The following KRT80 variants were observed in gnomAD, a reference collection of about 807,000 sequenced individuals.
KRT80 encodes keratin, type II cytoskeletal 80.
In KRT80, 36 loss-of-function variants were observed where a neutral mutation model predicts 51.5. That is an observed-to-expected ratio of 0.70 (90% CI 0.54 to 0.92). KRT80 has a LOEUF of 0.92. KRT80 is among the 40% of genes least tolerant of loss of function. The pLI is 0.00. For missense variants in KRT80, 566 were observed against 591.7 expected, an observed-to-expected ratio of 0.96 and a Z score of 0.45; for synonymous variants, 235 against 248.3, an observed-to-expected ratio of 0.95 and a Z score of 0.50.
chr12:52,185,385 C>A lies in KRT80; in HGVS notation c.503G>T (p.Arg168Leu). The A allele has an allele frequency of 1.2e-6, 2 of 1,611,200 alleles. No homozygotes were observed. Among genetic ancestry groups the A allele is most frequent in the East Asian group, 2.2e-5 (1 of 44,852 alleles). Residue 168 changes from arginine to leucine, a missense_variant, in exon 2 of 9, where the codon CGA (arginine) becomes CTA (leucine). Physicochemically the swap from Arg to Leu is moderately radical, Grantham distance 102. Transcript: ENST00000394815. ...LQVLEKVEEF[R>L]IRYEDEISKR... ...CTCATGGGGCTCTACGTACCTGATT[C>A]GAAACTCCTCAACCTTCTCCAGCAC...
In KRT80 at chr12:52,185,538, A is replaced by G; in HGVS notation, c.350T>C (p.Phe117Ser). The stretch of plus-strand genomic sequence containing the variant: ...GATGGCTGAGTCCTGGCCCTGCAGG[A>G]AGCTCCAGCGTGTCTCCAGCAGCTG... ...RNQLLETRWS[F>S]LQGQDSAIFD... The change falls in exon 2 of 9, where the codon TTC (phenylalanine) becomes TCC (serine). Residue 117 changes from phenylalanine (F) to serine (S), a missense_variant. Coordinates refer to ENST00000394815, the MANE Select transcript of KRT80 (RefSeq NM_182507.3). 1 of 1,612,860 alleles carries G rather than the reference A, an allele frequency of 6.2e-7. No individual in the cohort carries two copies.
chr12:52,188,801 G>A (rs981513853), intron 1 of KRT80, among the ~76,000 whole-genome samples: 1 of 152,144 alleles, frequency 6.6e-6, no homozygotes, highest in African/African-American at 2.4e-5. Flanking sequence ...CCCCTCTGTT[G>A]TCTGTGTGTG....
intron 4 of KRT80, among the ~76,000 whole-genome samples, chr12:52,176,178 C>T (rs1941217428): frequency 6.6e-6 from 1 of 152,222 alleles, no homozygotes; most frequent in Non-Finnish European, 1.5e-5. Context: ...TCAGAACATC[C>T]ACAGACGTGT....
rs1941095587 is a variant in KRT80, at chr12:52,171,374, T to G, written c.*24A>C. 1 of 1,559,152 alleles carries G rather than the reference T, an allele frequency of 6.4e-7. No homozygotes were observed. Among genetic ancestry groups the G allele is most frequent in the African/African-American group, 1.4e-5 (1 of 73,240 alleles). On this transcript the variant is annotated 3_prime_UTR_variant, in exon 9 of 9. Transcript: ENST00000394815. ...TCCCTCCTGCTGCAGTGGAGTGCCC[T>G]GGGGTTCCTGGGGTCCAGCCGCCTT... is the stretch of plus-strand genomic sequence containing the variant.
intron 4 of KRT80, among the ~76,000 whole-genome samples, chr12:52,179,972 G>A (rs1158707347): frequency 6.6e-6 from 1 of 152,216 alleles, no homozygotes; most frequent in African/African-American, 2.4e-5. Context: ...TGGCTGTGTT[G>A]ATGCATGCCA....
intron 2 of KRT80, among the ~76,000 whole-genome samples, chr12:52,181,243 C>G (rs1293441660): frequency 6.6e-6 from 1 of 152,162 alleles, no homozygotes; most frequent in Non-Finnish European, 1.5e-5. Context: ...ACACCCACTC[C>G]CCTCCAGGAG....
At chr12:52,189,779 G>T (rs1011134082) in intron 1 of KRT80, among the ~76,000 whole-genome samples, 1 of 152,234 alleles carries the variant, frequency 6.6e-6, no homozygotes. Flanking sequence ...AAGGCTAAGG[G>T]TTGGGAGGCT....
intron 2 of KRT80, among the ~76,000 whole-genome samples, chr12:52,181,837 C>T (rs1189243095): frequency 6.6e-6 from 1 of 152,236 alleles, no homozygotes; most frequent in African/African-American, 2.4e-5. Context: ...CTCCAGACTT[C>T]TCGCTGGCCC....
chr12:52,186,118 G>C (rs1941400663), intron 1 of KRT80, among the ~76,000 whole-genome samples: 1 of 151,950 alleles, frequency 6.6e-6, no homozygotes, highest in Admixed American at 6.6e-5. Context: ...ACACCTGCCT[G>C]CGCGGTCCTC....
At chr12:52,180,698 T>C (rs1406895413) in intron 3 of KRT80, 90 bp from the exon 4 acceptor site, 2 of 1,591,670 alleles carry the variant, frequency 1.3e-6, no homozygotes, top group Admixed American at 1.7e-5. Context: ...TGGGTGAGAG[T>C]GGGGGTGATT....
chr12:52,173,302 TC>T, intron 5 of KRT80, 139 bp from the exon 6 acceptor site: 1 of 1,185,234 alleles, frequency 8.4e-7, no homozygotes, highest in Non-Finnish European at 1.1e-6. Flanking sequence ...CTCCCTCAGC[TC>T]CCCCTTCCAC....
rs1360039210 is a variant in KRT80 at position 52,185,595 on chromosome 12, A to G, written c.301-8T>C. On this transcript the variant is annotated splice_polypyrimidine_tract_variant and splice_region_variant and intron_variant, in intron 1 of 8. Transcript: ENST00000394815. ...CTGTTCCAGGGCTTGCACCTGGGAGAGCAGGAAGGCGGCGAATGGGTCAGG... is the reference window on the plus strand; with the variant it reads ...CTGTTCCAGGGCTTGCACCTGGGAGGGCAGGAAGGCGGCGAATGGGTCAGG... 6.2e-7 allele frequency: 1 copy of G among 1,604,992 alleles called. No homozygotes were observed. Among genetic ancestry groups the G allele is most frequent in the Non-Finnish European group, 8.5e-7 (1 of 1,179,760 alleles).
intron 4 of KRT80, among the ~76,000 whole-genome samples, chr12:52,177,591 T>A (rs1941250346): frequency 6.6e-6 from 1 of 151,894 alleles, no homozygotes; most frequent in Non-Finnish European, 1.5e-5. Flanking sequence ...GGCCATGAGC[T>A]CCTACTCAGT....
rs1365567704 is a variant in KRT80, at chr12:52,173,595, C to T, written c.831+5G>A. On this transcript the variant is annotated splice_donor_5th_base_variant and intron_variant, in intron 5 of 8. Transcript: ENST00000394815. ...GCTTCTCGTGCCCTGTGTGGTCAGC[C>T]CCACCTGGCTCCGAGAGTATGCCTC... 1.9e-6 allele frequency: 3 copies of T among 1,612,002 alleles called. No homozygotes were observed. Among genetic ancestry groups the T allele is most frequent in the Non-Finnish European group, 2.5e-6 (3 of 1,179,744 alleles).
At chr12:52,179,600 C>A (rs1941288724) in intron 4 of KRT80, among the ~76,000 whole-genome samples, 1 of 152,250 alleles carries the variant, frequency 6.6e-6, no homozygotes, top group Non-Finnish European at 1.5e-5. Context: ...GTCTTCCTTT[C>A]CACAGGATGC....
At position 52,169,545 on chromosome 12, in the gene KRT80, C is replaced by T. The variant is rs1941049358; in HGVS notation, c.*1853G>A. ...AGCTTTCTCCATAGACAAATCTCAA[C>T]ACTTTATTCATCCTGTGGCAGCAAG... On this transcript the variant is annotated 3_prime_UTR_variant, in exon 9 of 9. Coordinates refer to ENST00000394815, the MANE Select transcript of KRT80 (RefSeq NM_182507.3). 1.3e-5 allele frequency: 2 copies of T among 152,638 alleles called. No homozygotes were observed. Among genetic ancestry groups the T allele is most frequent in the South Asian group, 2.1e-4 (1 of 4,834 alleles). The allele number at this position is 152,638 out of a possible 1,614,324, so 9.5% of individuals were successfully genotyped here.
At chr12:52,180,488 A>C in intron 4 of KRT80, 25 bp downstream of exon 4, 1 of 1,396,274 alleles carries the variant, frequency 7.2e-7, no homozygotes. Context: ...TGGGCTTGGC[A>C]AGACACTGGC....
intron 1 of KRT80, among the ~76,000 whole-genome samples, chr12:52,190,711 C>T (rs529116553): frequency 6.6e-6 from 1 of 152,326 alleles, no homozygotes; most frequent in East Asian, 1.9e-4. Context: ...CAGCACAGTG[C>T]CTGGCACATA....
chr12:52,171,163 G>T lies in KRT80; in HGVS notation c.*235C>A. 1 of 403,520 alleles carries T rather than the reference G, an allele frequency of 2.5e-6. No homozygotes were observed. Among genetic ancestry groups the T allele is most frequent in the Admixed American group, 4.1e-5 (1 of 24,520 alleles). The allele number at this position is 403,520 out of a possible 1,614,324, so 25.0% of individuals were successfully genotyped here. ...CAGGAAAACCTCTGGCCAGAAGGTT[G>T]GAAGGATGGGACTGTGAGATACTGA... On this transcript the variant is annotated 3_prime_UTR_variant, in exon 9 of 9. Coordinates refer to ENST00000394815, the MANE Select transcript of KRT80 (RefSeq NM_182507.3).
Sources: allele counts gnomAD v4.1 joint callset (sites outside exome capture counted in the v4.1 genomes callset), GRCh38; gene constraint gnomAD v4.1.1; transcripts MANE v1.5; gene names NCBI Gene and HGNC (gene_info 2026-07-23, HGNC 2026-07-21).